The following PACRG variants were observed in gnomAD, a reference collection of about 807,000 sequenced individuals.
The protein encoded by PACRG is parkin coregulated gene protein.
PACRG carries 29 observed loss-of-function variants against 29.7 expected under a neutral mutation model. The observed-to-expected ratio is 0.98, with a 90% CI of 0.73 to 1.33. The LOEUF (loss-of-function observed/expected upper bound fraction) is 1.33, where lower values mean the gene tolerates loss of function less well. PACRG is among the 40% of genes most tolerant of loss of function. The probability of loss-of-function intolerance (pLI) is 0.00; values close to 1 mark genes in which losing one functional copy is unlikely to be tolerated. For missense variants in PACRG, 279 were observed against 316.2 expected (o/e 0.88, Z 0.89); for synonymous variants, 116 against 118.7 (o/e 0.98, Z 0.15).
chr6:163,093,539 G>A (rs1814305506), intron 4 of PACRG, among the ~76,000 whole-genome samples: 1 of 152,134 alleles, frequency 6.6e-6, no homozygotes. Flanking sequence ...GCCAATAAAT[G>A]GCATTAAAGC....
intron 4 of PACRG, among the ~76,000 whole-genome samples, chr6:163,228,406 A>G (rs1028042594): frequency 8.2e-6 from 1 of 121,550 alleles, no homozygotes; most frequent in African/African-American, 3.0e-5. Context: ...AAAAAAAAAA[A>G]TGGAATAAGT....
rs186456143 is a variant in PACRG, at chr6:163,240,876, T to G, written c.614-73951T>G. Among the ~76,000 whole-genome samples the G allele has an allele frequency of 6.6e-5, 10 of 152,308 alleles. No homozygotes were observed. In the East Asian group the frequency reaches 1.9e-3, roughly 29 times the overall value. ...CGAGGGCTGCATCAGGCTTCCCTCCTCGCCCGTAGCAAGGGGCTTGCCCTT... is the reference window on the plus strand; with the variant it reads ...CGAGGGCTGCATCAGGCTTCCCTCCGCGCCCGTAGCAAGGGGCTTGCCCTT... On this transcript the variant is annotated intron_variant, in intron 4 of 4. Coordinates refer to ENST00000366888, the MANE Select transcript of PACRG (RefSeq NM_001080379.2).
intron 1 of PACRG, among the ~76,000 whole-genome samples, chr6:162,813,763 T>G (rs537378050): frequency 6.6e-6 from 1 of 152,294 alleles, no homozygotes; most frequent in East Asian, 1.9e-4. Context: ...CCATAAAGTA[T>G]ATCAGACCCA....
At chr6:162,992,532 G>A (rs1204640828) in intron 2 of PACRG, among the ~76,000 whole-genome samples, 29 of 143,834 alleles carry the variant, frequency 2.0e-4, no homozygotes, top group African/African-American at 6.7e-4. Flanking sequence ...TTGCATAGAG[G>A]TGTTTGTAGT....
At chr6:162,818,816 C>A (rs1454303840) in intron 2 of PACRG, among the ~76,000 whole-genome samples, 1 of 152,068 alleles carries the variant, frequency 6.6e-6, no homozygotes. Context: ...TTCTAATAAC[C>A]AGGCGTAAGA....
chr6:162,778,811 T>G (rs963925880), intron 1 of PACRG, among the ~76,000 whole-genome samples: 1 of 152,258 alleles, frequency 6.6e-6, no homozygotes, highest in Non-Finnish European at 1.5e-5. Context: ...TGGGCCTGTG[T>G]GGCGCTCAGA....
At chr6:162,773,065 C>T (rs1271005175) in intron 1 of PACRG, among the ~76,000 whole-genome samples, 3 of 150,516 alleles carry the variant, frequency 2.0e-5, no homozygotes, top group Non-Finnish European at 4.5e-5. Flanking sequence ...TTGCAGGGAA[C>T]AGTGTGGCTG....
At chr6:162,956,159 G>A (rs556414161) in intron 2 of PACRG, among the ~76,000 whole-genome samples, 90 of 152,232 alleles carry the variant, frequency 5.9e-4, no homozygotes, top group African/African-American at 1.5e-3. Flanking sequence ...TTAAATAGTC[G>A]GGAATATTTA....
chr6:162,795,238 G>A (rs1021317419), intron 1 of PACRG, among the ~76,000 whole-genome samples: 3 of 151,866 alleles, frequency 2.0e-5, no homozygotes. Context: ...AAGAGGGGTG[G>A]GGGGCAGAGT....
chr6:163,080,267 A>T (rs1382388256), intron 3 of PACRG, among the ~76,000 whole-genome samples: 2 of 151,942 alleles, frequency 1.3e-5, no homozygotes, highest in African/African-American at 4.8e-5. Context: ...AATGGTGCTA[A>T]CTCCTTCCTT....
chr6:162,808,614 A>G (rs1049973561), intron 1 of PACRG, among the ~76,000 whole-genome samples: 1 of 152,196 alleles, frequency 6.6e-6, no homozygotes, highest in Non-Finnish European at 1.5e-5. Context: ...ATGTAGGCAT[A>G]TAAAGTATTC....
At chr6:162,792,325 G>A (rs1192567654) in intron 1 of PACRG, among the ~76,000 whole-genome samples, 1 of 152,150 alleles carries the variant, frequency 6.6e-6, no homozygotes, top group Non-Finnish European at 1.5e-5. Flanking sequence ...AAGGGGCAGG[G>A]AAGAGAAGGG....
At chr6:162,753,054 TA>T (rs1267894940) in intron 1 of PACRG, among the ~76,000 whole-genome samples, 11 of 152,216 alleles carry the variant, frequency 7.2e-5, no homozygotes, top group Admixed American at 3.3e-4. Context: ...GTGGCATGAT[TA>T]AATCAAGCTA....
chr6:162,918,715 A>G (rs1796865466), intron 2 of PACRG, among the ~76,000 whole-genome samples: 1 of 152,236 alleles, frequency 6.6e-6, no homozygotes, highest in East Asian at 1.9e-4. Context: ...AATATAATAC[A>G]AAATGTTCAG....
intron 4 of PACRG, among the ~76,000 whole-genome samples, chr6:163,305,145 A>G (rs1785149174): frequency 1.3e-5 from 2 of 152,240 alleles, no homozygotes; most frequent in African/African-American, 2.4e-5. Flanking sequence ...CCAGGGGGCC[A>G]TCTGAGGGCC....
chr6:162,740,954 G>T (rs1227705407), intron 1 of PACRG, among the ~76,000 whole-genome samples: 1 of 152,060 alleles, frequency 6.6e-6, no homozygotes, highest in Non-Finnish European at 1.5e-5. Context: ...ATTGGAAGTA[G>T]TATTGAATTT....
intron 2 of PACRG, among the ~76,000 whole-genome samples, chr6:163,053,320 C>T (rs1026579451): frequency 1.3e-5 from 2 of 152,104 alleles, no homozygotes; most frequent in East Asian, 1.9e-4. Context: ...GGGATTTCCT[C>T]ATTTATCTCT....
At chr6:162,856,125 C>T (rs1335755315) in intron 2 of PACRG, among the ~76,000 whole-genome samples, 2 of 152,144 alleles carry the variant, frequency 1.3e-5, no homozygotes, top group Non-Finnish European at 2.9e-5. Context: ...GGTGTGATTA[C>T]AGCTCAATGC....
At position 163,062,198 on chromosome 6, in the gene PACRG, G is replaced by T. The variant is rs768337874; in HGVS notation, c.340G>T (p.Asp114Tyr). The change falls in exon 3 of 5, where the codon GAT becomes TAT. Residue 114 changes from aspartate to tyrosine, a missense_variant. Coordinates refer to ENST00000366888, the MANE Select transcript of PACRG (RefSeq NM_001080379.2). ...CCATCATTATCTGCCTCTGTTTTTT[G>T]ATGGGCTTTGTGAAATGACATTTCC... ...DYHHYLPLFF[D>Y]GLCEMTFPYE... 85 of 1,613,720 alleles carry T rather than the reference G, an allele frequency of 5.3e-5. 1 individual carries two copies. The South Asian group carries it at 9.0e-4, about 17-fold the overall frequency.
Sources: gnomAD v4.1 joint callset for allele counts (sites outside exome capture counted in the v4.1 genomes callset) on GRCh38, gnomAD v4.1.1 for gene constraint, MANE v1.5 for transcripts, NCBI Gene and HGNC (gene_info 2026-07-23, HGNC 2026-07-21) for gene names.